Variants in ZFHX3 observed in about 807,000 individuals in gnomAD.
ZFHX3 encodes zinc finger homeobox 3, also known as zinc finger homeobox protein 3.
In ZFHX3, 42 loss-of-function variants were observed where a neutral mutation model predicts 279.1. The observed-to-expected ratio is 0.15, with a 90% confidence interval of 0.12 to 0.19. The LOEUF (loss-of-function observed/expected upper bound fraction) is 0.19. ZFHX3 is among the 10% of genes least tolerant of loss of function. ZFHX3 has a pLI of 1.00. For missense variants in ZFHX3, 4,981 were observed against 4,754.0 expected, an observed-to-expected ratio of 1.05 and a Z score of -1.40; for synonymous variants, 2,293 against 1,957.8, an observed-to-expected ratio of 1.17 and a Z score of -4.52.
chr16:73,807,213 T>C (rs1191120038), intron 1 of ZFHX3, among the ~76,000 whole-genome samples: 4 of 152,176 alleles, frequency 2.6e-5, no homozygotes, highest in East Asian at 1.9e-4. Context: ...TTGAGTTGTG[T>C]GAATACATCA....
At chr16:73,498,579 C>T (rs1040054892) in intron 2 of ZFHX3, among the ~76,000 whole-genome samples, 2 of 152,164 alleles carry the variant, frequency 1.3e-5, no homozygotes, top group African/African-American at 4.8e-5. Context: ...AAAGAAGGAG[C>T]ATTTTTATGG....
chr16:73,535,881 C>A (rs1037923946), intron 2 of ZFHX3, among the ~76,000 whole-genome samples: 1 of 152,000 alleles, frequency 6.6e-6, no homozygotes, highest in Admixed American at 6.6e-5. Context: ...CCCCACTATG[C>A]CCGGCTAATT....
chr16:73,761,675 G>C (rs1393933765), intron 1 of ZFHX3, among the ~76,000 whole-genome samples: 3 of 151,940 alleles, frequency 2.0e-5, no homozygotes, highest in Admixed American at 6.6e-5. Flanking sequence ...TCAGAAATAA[G>C]ACTGCACATC....
At chr16:73,182,221 C>A (rs1243435376) in intron 5 of ZFHX3, among the ~76,000 whole-genome samples, 1 of 152,226 alleles carries the variant, frequency 6.6e-6, no homozygotes, top group Admixed American at 6.5e-5. Flanking sequence ...CTTTGGGAGG[C>A]CAAGGCGGGC....
intron 8 of ZFHX3, among the ~76,000 whole-genome samples, chr16:73,091,957 G>T (rs942055945): frequency 6.6e-6 from 1 of 152,184 alleles, no homozygotes; most frequent in African/African-American, 2.4e-5. Context: ...CTTAGAAATT[G>T]GTTCTGCCGA....
At chr16:72,882,283 C>A (rs547516214) in intron 4 of ZFHX3, among the ~76,000 whole-genome samples, 3 of 151,384 alleles carry the variant, frequency 2.0e-5, no homozygotes, top group South Asian at 4.2e-4. Flanking sequence ...GCCACCCACT[C>A]ATGAAGATAG....
At chr16:73,368,102 C>G (rs2143331923) in intron 3 of ZFHX3, among the ~76,000 whole-genome samples, 1 of 152,256 alleles carries the variant, frequency 6.6e-6, no homozygotes, top group East Asian at 1.9e-4. Context: ...AACTCCTGAC[C>G]TCAAGTGATC....
intron 2 of ZFHX3, among the ~76,000 whole-genome samples, chr16:73,465,187 T>G (rs2018544385): frequency 6.6e-6 from 1 of 152,220 alleles, no homozygotes; most frequent in Non-Finnish European, 1.5e-5. Context: ...TTGGAGTTCA[T>G]AGTTATTATC....
chr16:73,796,572 G>C (rs1363507533), intron 1 of ZFHX3: 4 of 152,196 alleles, frequency 2.6e-5, no homozygotes, highest in Admixed American at 1.3e-4. Context: ...GAGGAGGTGA[G>C]GACCTGACAA....
At chr16:72,964,573 G>A (rs1961739367) in intron 1 of ZFHX3, among the ~76,000 whole-genome samples, 1 of 151,576 alleles carries the variant, frequency 6.6e-6, no homozygotes, top group Non-Finnish European at 1.5e-5. Context: ...CATTGAGACA[G>A]TAGGATTGCT....
Position 73,296,570 on chromosome 16 carries a change from C to T in ZFHX3, c.-1194+21670G>A, listed in dbSNP as rs534116121. On this transcript the variant is annotated intron_variant, in intron 4 of 17. Coordinates refer to the ZFHX3 transcript ENST00000641206. Reference sequence around the variant, plus strand: ...CAACAAATTTACTAGACAACAATTCCGTTAATGGCTTCCTTCTTGCTTTTC... The same window carrying T: ...CAACAAATTTACTAGACAACAATTCTGTTAATGGCTTCCTTCTTGCTTTTC... 7.9e-5 allele frequency among the ~76,000 whole-genome samples: 12 copies of T among 152,286 alleles called. No homozygotes were observed. The South Asian group carries it at 1.2e-3, about 16-fold the overall frequency.
chr16:72,808,579 C>G (rs935807009), intron 7 of ZFHX3, among the ~76,000 whole-genome samples: 1 of 152,216 alleles, frequency 6.6e-6, no homozygotes, highest in African/African-American at 2.4e-5. Context: ...TTGTTGCTAA[C>G]AAGTTGACTT....
intron 2 of ZFHX3, among the ~76,000 whole-genome samples, chr16:73,671,129 T>C (rs769787801): frequency 6.6e-6 from 1 of 152,252 alleles, no homozygotes; most frequent in African/African-American, 2.4e-5. Flanking sequence ...GATCCACTTA[T>C]GAATCATAAA....
At chr16:73,142,658 C>T (rs1056340575) in intron 6 of ZFHX3, among the ~76,000 whole-genome samples, 2 of 152,198 alleles carry the variant, frequency 1.3e-5, no homozygotes, top group African/African-American at 4.8e-5. Flanking sequence ...TAAGTCAATG[C>T]CGCAGGCGCT....
intron 1 of ZFHX3, among the ~76,000 whole-genome samples, chr16:73,732,675 T>G (rs2053578408): frequency 6.6e-6 from 1 of 152,234 alleles, no homozygotes; most frequent in Admixed American, 6.5e-5. Flanking sequence ...ATGACCAGTG[T>G]TAGCCTGTAT....
In ZFHX3 at chr16:72,849,262, G is replaced by A. The variant is rs62053162; in HGVS notation, c.3449-19403C>T. Reference sequence around the variant, plus strand: ...TTTACGCCCCTAACAGCCCCTGAGAGACTTGCGTGGGAAAGCTCTGCAGCC... The same window carrying A: ...TTTACGCCCCTAACAGCCCCTGAGAAACTTGCGTGGGAAAGCTCTGCAGCC... On this transcript the variant is annotated intron_variant, in intron 4 of 9. Coordinates refer to ENST00000268489, the MANE Select transcript of ZFHX3 (RefSeq NM_006885.4). Among the ~76,000 whole-genome samples the A allele has an allele frequency of 6.9e-3, 1,045 of 152,308 alleles. 5 individuals are homozygous for A. Among genetic ancestry groups the A allele is most frequent in the Non-Finnish European group, 0.012 (803 of 68,032 alleles).
chr16:73,753,452 C>G (rs1450038939), intron 1 of ZFHX3, among the ~76,000 whole-genome samples: 1 of 152,154 alleles, frequency 6.6e-6, no homozygotes, highest in Non-Finnish European at 1.5e-5. Flanking sequence ...TTCTCCTTTC[C>G]TAGAAGGTCC....
chr16:72,992,669 GAC>G (rs970311918), intron 1 of ZFHX3, among the ~76,000 whole-genome samples: 2 of 152,178 alleles, frequency 1.3e-5, no homozygotes, highest in African/African-American at 4.8e-5. Context: ...CATGTAAAGA[GAC>G]AGACAGCAAA....
At chr16:73,151,413 C>T (rs1398245464) in intron 5 of ZFHX3, among the ~76,000 whole-genome samples, 1 of 151,998 alleles carries the variant, frequency 6.6e-6, no homozygotes, top group Non-Finnish European at 1.5e-5. Context: ...TAGAGAACAG[C>T]ATTCTGTAGC....
Sources: gnomAD v4.1 joint callset for allele counts (sites outside exome capture counted in the v4.1 genomes callset) on GRCh38, gnomAD v4.1.1 for gene constraint, MANE v1.5 for transcripts, NCBI Gene and HGNC (gene_info 2026-07-23, HGNC 2026-07-21) for gene names.